Variants in DLGAP2 observed in about 807,000 individuals in gnomAD.
DLGAP2 encodes the protein DLG associated protein 2.
A neutral mutation model predicts 100.3 loss-of-function variants in DLGAP2; 26 were observed. The ratio of observed to expected loss-of-function variants is 0.26; its 90% CI spans 0.19 to 0.36. The LOEUF (loss-of-function observed/expected upper bound fraction) is 0.36. Ranked by LOEUF, DLGAP2 falls within the 10% of genes least tolerant of loss-of-function variation. The probability of loss-of-function intolerance (pLI) is 1.00; values close to 1 mark genes in which losing one functional copy is unlikely to be tolerated. For synonymous variants in DLGAP2, 886 were observed against 630.1 expected (o/e 1.41, Z -6.08); for missense variants, 1,858 against 1,453.2 (o/e 1.28, Z -4.53).
intron 3 of DLGAP2, among the ~76,000 whole-genome samples, chr8:1,421,409 GAAT>G (rs2129935630): frequency 6.6e-6 from 1 of 152,236 alleles, no homozygotes; most frequent in African/African-American, 2.4e-5. Flanking sequence ...GAGGCTCTCA[GAAT>G]AATAACACCC....
At chr8:1,468,486 G>A (rs1417279583) in intron 3 of DLGAP2, among the ~76,000 whole-genome samples, 1 of 152,214 alleles carries the variant, frequency 6.6e-6, no homozygotes, top group African/African-American at 2.4e-5. Context: ...ATGGATCCGG[G>A]CTGGCCCTGA....
chr8:917,592 T>C (rs1798621721), intron 2 of DLGAP2, among the ~76,000 whole-genome samples: 1 of 151,754 alleles, frequency 6.6e-6, no homozygotes, highest in Non-Finnish European at 1.5e-5. Flanking sequence ...TATTCTTTTG[T>C]TGTTGCTGAG....
intron 2 of DLGAP2, among the ~76,000 whole-genome samples, chr8:944,657 G>A (rs566032228): frequency 2.6e-5 from 4 of 152,220 alleles, no homozygotes; most frequent in African/African-American, 7.2e-5. Context: ...GGGTGATCCA[G>A]TGGGTGGTAA....
At chr8:1,146,559 G>A (rs1157843183) in intron 2 of DLGAP2, among the ~76,000 whole-genome samples, 1 of 149,980 alleles carries the variant, frequency 6.7e-6, no homozygotes, top group Non-Finnish European at 1.5e-5. Flanking sequence ...GGAACTGTGT[G>A]TGTGCACATG....
intron 3 of DLGAP2, chr8:1,381,091 G>A (rs1055368868): frequency 6.6e-6 from 1 of 151,976 alleles, no homozygotes; most frequent in South Asian, 2.1e-4. Flanking sequence ...TAAAAATAAA[G>A]GTCACGGCGC....
chr8:787,735 C>T (rs566999280), intron 1 of DLGAP2, among the ~76,000 whole-genome samples: 2 of 152,322 alleles, frequency 1.3e-5, no homozygotes, highest in South Asian at 4.1e-4. Flanking sequence ...CAGCCTACAT[C>T]GGAATGGTCA....
chr8:1,136,522 C>A (rs565561214), intron 2 of DLGAP2, among the ~76,000 whole-genome samples: 1 of 152,224 alleles, frequency 6.6e-6, no homozygotes, highest in Non-Finnish European at 1.5e-5. Flanking sequence ...GTGAGGGCCA[C>A]GGCAGACAAC....
At chr8:924,971 G>A (rs1348626725) in intron 2 of DLGAP2, among the ~76,000 whole-genome samples, 6 of 152,290 alleles carry the variant, frequency 3.9e-5, no homozygotes, top group Admixed American at 6.5e-5. Flanking sequence ...AATGGTGAAA[G>A]TGTAGGCACG....
intron 1 of DLGAP2, among the ~76,000 whole-genome samples, chr8:742,492 T>C (rs1254776320): frequency 1.3e-5 from 2 of 152,206 alleles, no homozygotes; most frequent in Admixed American, 1.3e-4. Context: ...ATGTTTGTCC[T>C]GTGACTTTTG....
chr8:810,034 C>T (rs1323940867), intron 1 of DLGAP2, among the ~76,000 whole-genome samples: 1 of 152,252 alleles, frequency 6.6e-6, no homozygotes, highest in African/African-American at 2.4e-5. Context: ...CTCCTCTCAG[C>T]AGGGCTCAGC....
chr8:979,091 T>C (rs992589696), intron 2 of DLGAP2, among the ~76,000 whole-genome samples: 1 of 152,074 alleles, frequency 6.6e-6, no homozygotes, highest in Non-Finnish European at 1.5e-5. Flanking sequence ...TCATTAAGAA[T>C]TCTAAATTGG....
intron 2 of DLGAP2, among the ~76,000 whole-genome samples, chr8:1,244,342 C>T (rs575736028): frequency 1.3e-5 from 2 of 152,322 alleles, no homozygotes; most frequent in East Asian, 1.9e-4. Context: ...CAAAAGCATA[C>T]ACTATTGGCT....
intron 3 of DLGAP2, among the ~76,000 whole-genome samples, chr8:1,430,820 A>G (rs1208793455): frequency 6.6e-6 from 1 of 152,238 alleles, no homozygotes; most frequent in Non-Finnish European, 1.5e-5. Flanking sequence ...CGACCCTGAC[A>G]CGTCTGACAC....
intron 1 of DLGAP2, among the ~76,000 whole-genome samples, chr8:742,596 C>T (rs1382527169): frequency 6.6e-6 from 1 of 152,166 alleles, no homozygotes; most frequent in Non-Finnish European, 1.5e-5. Context: ...GCAGTCTTGA[C>T]CTCCTGGGCA....
intron 2 of DLGAP2, among the ~76,000 whole-genome samples, chr8:1,182,273 G>T (rs984552023): frequency 1.3e-5 from 2 of 152,256 alleles, no homozygotes; most frequent in Non-Finnish European, 2.9e-5. Flanking sequence ...TGGACAAATG[G>T]AGAAAAGGGC....
chr8:1,476,507 G>C (rs552739590), intron 3 of DLGAP2, among the ~76,000 whole-genome samples: 4 of 152,072 alleles, frequency 2.6e-5, no homozygotes, highest in African/African-American at 9.7e-5. Context: ...ACTGATTTCC[G>C]CTGACACCAG....
At chr8:1,370,973 C>T (rs372188729) in intron 3 of DLGAP2, among the ~76,000 whole-genome samples, 3 of 152,224 alleles carry the variant, frequency 2.0e-5, no homozygotes, top group South Asian at 2.1e-4. Flanking sequence ...CCTAGAACAG[C>T]GCTTTACACC....
In DLGAP2 at chr8:1,307,939, A is replaced by AATG. The variant is rs1800527967; in HGVS notation, c.106+49057_106+49059dup. On this transcript the variant is annotated intron_variant, in intron 3 of 14. Coordinates refer to ENST00000637795, the MANE Select transcript of DLGAP2 (RefSeq NM_001346810.2). ...GAGGAAAAGGACGCATTTTGGAGAC[A>AATG]ATGGCACAATGGTGTGAATGTCCTT... 2.7e-5 allele frequency among the ~76,000 whole-genome samples: 4 copies of AATG among 145,610 alleles called. No individual in the cohort carries two copies. The Admixed American group carries it at 2.8e-4, about 10-fold the overall frequency.
At chr8:769,808 T>G (rs1360531303) in intron 1 of DLGAP2, among the ~76,000 whole-genome samples, 2 of 152,244 alleles carry the variant, frequency 1.3e-5, no homozygotes, top group Non-Finnish European at 2.9e-5. Context: ...AGAAGCCACA[T>G]TGTATGCATC....
Sources: allele counts gnomAD v4.1 joint callset (sites outside exome capture counted in the v4.1 genomes callset), GRCh38; gene constraint gnomAD v4.1.1; transcripts MANE v1.5; gene names NCBI Gene and HGNC (gene_info 2026-07-23, HGNC 2026-07-21).